The following NTM variants were observed in gnomAD, a reference collection of about 807,000 sequenced individuals.
NTM encodes the protein neurotrimin, also known as IgLON family member 2.
A neutral mutation model predicts 42.1 loss-of-function variants in NTM; 13 were observed. The observed-to-expected ratio is 0.31, with a 90% CI of 0.20 to 0.49. The LOEUF is 0.49. Ranked by LOEUF, NTM falls within the 20% of genes least tolerant of loss-of-function variation. NTM has a pLI of 0.99. For synonymous variants in NTM, 187 were observed against 179.2 expected (o/e 1.04, Z -0.35); for missense variants, 373 against 452.8 (o/e 0.82, Z 1.60).
chr11:131,396,039 G>A (rs1944516848), intron 1 of NTM, among the ~76,000 whole-genome samples: 1 of 152,170 alleles, frequency 6.6e-6, no homozygotes, highest in Non-Finnish European at 1.5e-5. Flanking sequence ...AAAGGGTTCT[G>A]GAGGTGAGCA....
intron 5 of NTM, among the ~76,000 whole-genome samples, chr11:132,309,163 T>C (rs2140199373): frequency 6.6e-6 from 1 of 152,342 alleles, no homozygotes; most frequent in East Asian, 1.9e-4. Context: ...ACAATATTTC[T>C]GCATTAAATA....
At chr11:131,471,522 C>G (rs530052970) in intron 1 of NTM, among the ~76,000 whole-genome samples, 1 of 152,226 alleles carries the variant, frequency 6.6e-6, no homozygotes, top group Admixed American at 6.5e-5. Context: ...AACGGAAAGC[C>G]CACTTAGAGC....
intron 2 of NTM, among the ~76,000 whole-genome samples, chr11:132,081,426 T>C (rs1230036831): frequency 6.6e-6 from 1 of 152,122 alleles, no homozygotes; most frequent in African/African-American, 2.4e-5. Flanking sequence ...GGATGGACAA[T>C]ACATCTTCAA....
chr11:131,430,538 A>G (rs1468631139), intron 1 of NTM, among the ~76,000 whole-genome samples: 1 of 152,156 alleles, frequency 6.6e-6, no homozygotes, highest in East Asian at 1.9e-4. Flanking sequence ...CTGTAAACAT[A>G]CAGCTGTGGT....
chr11:131,648,175 A>G (rs1302118540), intron 1 of NTM, among the ~76,000 whole-genome samples: 1 of 152,136 alleles, frequency 6.6e-6, no homozygotes, highest in African/African-American at 2.4e-5. Flanking sequence ...ATGTTGCCGC[A>G]AAGGATGGGA....
chr11:131,618,641 A>G (rs141233686), intron 1 of NTM, among the ~76,000 whole-genome samples: 1 of 152,200 alleles, frequency 6.6e-6, no homozygotes. Flanking sequence ...AACCTCCCCT[A>G]TGCTCAGATA....
intron 1 of NTM, among the ~76,000 whole-genome samples, chr11:131,789,635 A>AAAGAAG (rs2090464611): frequency 7.9e-5 from 3 of 37,936 alleles, no homozygotes; most frequent in African/African-American, 1.9e-4. Flanking sequence ...GAAGAAGAAG[A>AAAGAAG]AAAGAAGAAG....
chr11:132,140,949 G>A (rs1347809449), intron 2 of NTM: 1 of 152,222 alleles, frequency 6.6e-6, no homozygotes. Flanking sequence ...TTATTTTGCT[G>A]TGGCTTCAAG....
At chr11:131,937,333 G>A (rs564770886) in intron 2 of NTM, among the ~76,000 whole-genome samples, 31 of 152,280 alleles carry the variant, frequency 2.0e-4, no homozygotes, top group African/African-American at 7.5e-4. Flanking sequence ...AATATTCTGT[G>A]TATTGCTTCT....
intron 1 of NTM, among the ~76,000 whole-genome samples, chr11:131,466,649 C>T (rs140860691): frequency 6.6e-6 from 1 of 152,306 alleles, no homozygotes; most frequent in East Asian, 1.9e-4. Context: ...TGCGGCATCA[C>T]TAGCCTCTCA....
At chr11:131,971,260 A>G (rs563288961) in intron 2 of NTM, among the ~76,000 whole-genome samples, 3 of 152,306 alleles carry the variant, frequency 2.0e-5, no homozygotes, top group Non-Finnish European at 4.4e-5. Context: ...TTTTAAAACC[A>G]TGTTCACGGG....
intron 2 of NTM, among the ~76,000 whole-genome samples, chr11:132,033,830 T>C (rs1324640830): frequency 1.3e-5 from 2 of 152,224 alleles, no homozygotes; most frequent in Admixed American, 6.5e-5. Flanking sequence ...ATTTGTTTTA[T>C]AGACTTAATG....
At chr11:132,166,615 C>T (rs538428744) in intron 3 of NTM, among the ~76,000 whole-genome samples, 1 of 152,288 alleles carries the variant, frequency 6.6e-6, no homozygotes, top group South Asian at 2.1e-4. Context: ...ATTTTGCATT[C>T]CTGGACCCAG....
intron 2 of NTM, among the ~76,000 whole-genome samples, chr11:132,105,072 CCTT>C (rs2062181718): frequency 1.3e-5 from 2 of 149,082 alleles, no homozygotes; most frequent in African/African-American, 5.0e-5. Context: ...ACAATGTCCT[CCTT>C]CTTTCACCGT....
chr11:131,507,329 C>T (rs570082329), intron 1 of NTM, among the ~76,000 whole-genome samples: 183 of 151,624 alleles, frequency 1.2e-3, no homozygotes, highest in African/African-American at 4.0e-3. Flanking sequence ...TTCCCCATTG[C>T]TTGTTTTTCT....
chr11:131,605,688 C>G (rs1042801709), intron 1 of NTM: 15 of 597,314 alleles, frequency 2.5e-5, no homozygotes, highest in Middle Eastern at 8.3e-4. Flanking sequence ...TGTATGTGCC[C>G]TTTATCAGGG....
intron 1 of NTM, among the ~76,000 whole-genome samples, chr11:131,504,048 G>A (rs2047174481): frequency 6.6e-6 from 1 of 152,118 alleles, no homozygotes; most frequent in Admixed American, 6.5e-5. Flanking sequence ...TGCTGATCCA[G>A]CTGTCTCTGA....
At chr11:131,899,153 A>C (rs191216497) in intron 1 of NTM, among the ~76,000 whole-genome samples, 1 of 143,380 alleles carries the variant, frequency 7.0e-6, no homozygotes, top group South Asian at 2.2e-4. Flanking sequence ...TATGTGTCCA[A>C]GGTAAATTCA....
chr11:131,664,978 C>T (rs760557317), intron 1 of NTM, among the ~76,000 whole-genome samples: 42 of 152,106 alleles, frequency 2.8e-4, no homozygotes, highest in Admixed American at 1.5e-3. Flanking sequence ...TTCTGCTGGG[C>T]ACCAGAGGCA....
Sources: gnomAD v4.1 joint callset for allele counts (sites outside exome capture counted in the v4.1 genomes callset) on GRCh38, gnomAD v4.1.1 for gene constraint, MANE v1.5 for transcripts, NCBI Gene and HGNC (gene_info 2026-07-23, HGNC 2026-07-21) for gene names.